Variants in DOK6 observed in about 807,000 individuals in gnomAD.
DOK6 encodes the protein downstream of tyrosine kinase 6.
Under a neutral mutation model 44.0 loss-of-function variants are expected in DOK6, and 22 were observed. The ratio of observed to expected loss-of-function variants is 0.50; its 90% CI spans 0.36 to 0.71. The LOEUF (loss-of-function observed/expected upper bound fraction) is 0.71, where lower values mean the gene tolerates loss of function less well. Among genes scored for constraint, DOK6 ranks in the 30% least tolerant of loss-of-function variants. The probability of loss-of-function intolerance (pLI) is 0.00; values close to 1 mark genes in which losing one functional copy is unlikely to be tolerated. For synonymous variants in DOK6, 166 were observed against 145.5 expected (o/e 1.14, Z -1.01); for missense variants, 340 against 416.4 (o/e 0.82, Z 1.60).
chr18:69,779,501 A>G (rs1024984730), intron 7 of DOK6, among the ~76,000 whole-genome samples: 3 of 151,894 alleles, frequency 2.0e-5, no homozygotes, highest in Non-Finnish European at 4.4e-5. Flanking sequence ...CTGGCAAGAA[A>G]TGTCAGTGTT....
intron 2 of DOK6, among the ~76,000 whole-genome samples, chr18:69,580,034 A>G (rs1478404723): frequency 6.6e-6 from 1 of 152,220 alleles, no homozygotes; most frequent in Non-Finnish European, 1.5e-5. Context: ...TCAAATACTA[A>G]CAATAATTGA....
chr18:69,693,220 G>A (rs944255471), intron 4 of DOK6, among the ~76,000 whole-genome samples: 3 of 148,012 alleles, frequency 2.0e-5, no homozygotes, highest in South Asian at 2.1e-4. Flanking sequence ...TTTGTTCCAT[G>A]TTCCATTGTT....
At chr18:69,402,304 G>A (rs940065447) in intron 1 of DOK6, among the ~76,000 whole-genome samples, 2 of 152,186 alleles carry the variant, frequency 1.3e-5, no homozygotes, top group African/African-American at 2.4e-5. Context: ...GTTCTACCAA[G>A]CTCCTGCCTC....
chr18:69,528,008 A>G (rs1981880724), intron 1 of DOK6, among the ~76,000 whole-genome samples: 1 of 151,846 alleles, frequency 6.6e-6, no homozygotes, highest in African/African-American at 2.4e-5. Flanking sequence ...CTAAAAATAC[A>G]AAAAATTAGC....
chr18:69,497,626 G>A (rs1980929188), intron 1 of DOK6, among the ~76,000 whole-genome samples: 1 of 152,008 alleles, frequency 6.6e-6, no homozygotes, highest in African/African-American at 2.4e-5. Flanking sequence ...CCCCTGCATG[G>A]GCCTAACACC....
intron 7 of DOK6, among the ~76,000 whole-genome samples, chr18:69,789,938 A>G (rs1283078447): frequency 1.3e-5 from 2 of 152,112 alleles, no homozygotes; most frequent in Non-Finnish European, 2.9e-5. Context: ...CTATTTCTGA[A>G]ACACAAAGAC....
At chr18:69,450,839 A>G (rs1463990614) in intron 1 of DOK6, among the ~76,000 whole-genome samples, 1 of 145,794 alleles carries the variant, frequency 6.9e-6, no homozygotes. Flanking sequence ...GAAATAAAAT[A>G]CTTTACAGAC....
chr18:69,614,189 T>A (rs1446779818), intron 3 of DOK6, among the ~76,000 whole-genome samples: 1 of 152,116 alleles, frequency 6.6e-6, no homozygotes, highest in African/African-American at 2.4e-5. Flanking sequence ...TACAATATTA[T>A]CACTAATTTT....
chr18:69,760,199 T>C (rs1039827283), intron 7 of DOK6, among the ~76,000 whole-genome samples: 1 of 152,168 alleles, frequency 6.6e-6, no homozygotes, highest in Non-Finnish European at 1.5e-5. Flanking sequence ...GCCTCAGTAG[T>C]TTTTTTACTA....
intron 3 of DOK6, among the ~76,000 whole-genome samples, chr18:69,638,271 G>A (rs975853916): frequency 1.3e-5 from 2 of 152,208 alleles, no homozygotes; most frequent in Non-Finnish European, 2.9e-5. Flanking sequence ...CACAGGCTGT[G>A]AGCCACAGTT....
chr18:69,692,030 G>A (rs1308105936), intron 4 of DOK6, among the ~76,000 whole-genome samples: 1 of 152,124 alleles, frequency 6.6e-6, no homozygotes, highest in East Asian at 1.9e-4. Flanking sequence ...TAACTATTTA[G>A]AAGGAATTTA....
chr18:69,620,564 C>A (rs913178066), intron 3 of DOK6, among the ~76,000 whole-genome samples: 7 of 152,118 alleles, frequency 4.6e-5, no homozygotes, highest in Non-Finnish European at 1.0e-4. Context: ...GTTCTAATTA[C>A]CCCTCTCTAC....
At chr18:69,496,176 C>G (rs143893078) in intron 1 of DOK6, among the ~76,000 whole-genome samples, 16 of 152,226 alleles carry the variant, frequency 1.1e-4, no homozygotes, top group Non-Finnish European at 2.2e-4. Context: ...CCCAGGCCCC[C>G]CACTTTGAGA....
At chr18:69,771,210 A>T (rs181516132) in intron 7 of DOK6, among the ~76,000 whole-genome samples, 1 of 152,176 alleles carries the variant, frequency 6.6e-6, no homozygotes, top group African/African-American at 2.4e-5. Flanking sequence ...ATATATTAAC[A>T]TTTTTAAATA....
intron 7 of DOK6, among the ~76,000 whole-genome samples, chr18:69,783,509 C>T (rs746845383): frequency 4.6e-5 from 7 of 152,236 alleles, no homozygotes; most frequent in African/African-American, 1.2e-4. Context: ...TTATATACTA[C>T]GTGCATTGGG....
rs1467744613 is a variant in DOK6, at chr18:69,842,884, G to A, written c.*1501G>A. 1 of 152,040 alleles carries A rather than the reference G, an allele frequency of 6.6e-6. No homozygotes were observed. Among genetic ancestry groups the A allele is most frequent in the African/African-American group, 2.4e-5 (1 of 41,396 alleles). The allele number at this position is 152,040 out of a possible 1,614,324, so 9.4% of individuals were successfully genotyped here. ...ACAGTGAGCTCAGGTCACGCAAGAT[G>A]AAAACCCAGGTTTTTTTTTTCTTAA... On this transcript the variant is annotated 3_prime_UTR_variant, in exon 8 of 8. Transcript: ENST00000382713.
chr18:69,505,557 GTGTAATCTCGGCTCAC>G (rs1417219867), intron 1 of DOK6, among the ~76,000 whole-genome samples: 4 of 145,182 alleles, frequency 2.8e-5, no homozygotes, highest in Admixed American at 2.1e-4. Context: ...GAGTGCAATG[GTGTAATCTCGGCTCAC>G]TGCAACCTCT....
At chr18:69,486,053 A>T (rs1403353140) in intron 1 of DOK6, among the ~76,000 whole-genome samples, 1 of 151,506 alleles carries the variant, frequency 6.6e-6, no homozygotes, top group African/African-American at 2.4e-5. Flanking sequence ...AATAACACAT[A>T]TGAAGCAGGG....
At chr18:69,721,299 T>G (rs1461568608) in intron 5 of DOK6, 1 of 152,230 alleles carries the variant, frequency 6.6e-6, no homozygotes, top group Non-Finnish European at 1.5e-5. Context: ...AAGACATGCA[T>G]AGCCTAAGCT....
Sources: allele counts gnomAD v4.1 joint callset (sites outside exome capture counted in the v4.1 genomes callset), GRCh38; gene constraint gnomAD v4.1.1; transcripts MANE v1.5; gene names NCBI Gene and HGNC (gene_info 2026-07-23, HGNC 2026-07-21).